The following AUTS2 variants were observed in gnomAD, a reference collection of about 807,000 sequenced individuals.
AUTS2 encodes autism susceptibility gene 2 protein.
A neutral mutation model predicts 112.4 loss-of-function variants in AUTS2; 17 were observed. That is an observed-to-expected ratio of 0.15 (90% CI 0.10 to 0.23). AUTS2 has a LOEUF of 0.23. Ranked by LOEUF, AUTS2 falls within the 10% of genes least tolerant of loss-of-function variation. The pLI is 1.00. For missense variants in AUTS2, 1,510 were observed against 1,701.6 expected, an observed-to-expected ratio of 0.89 and a Z score of 1.98; for synonymous variants, 751 against 702.7, an observed-to-expected ratio of 1.07 and a Z score of -1.09.
intron 5 of AUTS2, among the ~76,000 whole-genome samples, chr7:70,560,281 C>T (rs1390804195): frequency 1.3e-5 from 2 of 152,200 alleles, no homozygotes; most frequent in African/African-American, 4.8e-5. Context: ...ACTGAGCCAA[C>T]ATTTAGACAG....
At chr7:70,532,176 C>G (rs1800123222) in intron 5 of AUTS2, among the ~76,000 whole-genome samples, 1 of 152,180 alleles carries the variant, frequency 6.6e-6, no homozygotes, top group Non-Finnish European at 1.5e-5. Flanking sequence ...TGAATATGCA[C>G]TTTGCAAGCT....
At chr7:70,424,490 ACTTACC>A (rs1795349562) in intron 4 of AUTS2, among the ~76,000 whole-genome samples, 1 of 152,176 alleles carries the variant, frequency 6.6e-6, no homozygotes, top group Non-Finnish European at 1.5e-5. Context: ...TGGAAGCCTT[ACTTACC>A]TTCTCATCTC....
chr7:69,612,804 A>G (rs1419063416), intron 1 of AUTS2, among the ~76,000 whole-genome samples: 2 of 152,124 alleles, frequency 1.3e-5, no homozygotes, highest in Non-Finnish European at 2.9e-5. Flanking sequence ...GCCTAAATGT[A>G]ACCCCTGCAC....
At chr7:70,469,913 T>A (rs1241119366) in intron 5 of AUTS2, among the ~76,000 whole-genome samples, 1 of 152,228 alleles carries the variant, frequency 6.6e-6, no homozygotes. Flanking sequence ...GTACTGGGAT[T>A]ACAGGCATGA....
intron 1 of AUTS2, among the ~76,000 whole-genome samples, chr7:69,823,887 A>T (rs972055057): frequency 1.1e-4 from 16 of 152,162 alleles, no homozygotes; most frequent in Admixed American, 1.0e-3. Context: ...TTTGTTAGAT[A>T]CTTTGAGAGA....
rs6150156 is a variant in AUTS2 at position 69,602,040 on chromosome 7, ATGTGTGTGTGTGTGTGTGTGTGTGTGTG to A, written c.309+2104_309+2131del. Among the ~76,000 whole-genome samples, 119 of 46,248 alleles carry A rather than the reference ATGTGTGTGTGTGTGTGTGTGTGTGTGTG, an allele frequency of 2.6e-3. 1 individual carries two copies. The highest frequency in any genetic ancestry group is 7.5e-3 in the African/African-American group (106 of 14,116). 30.3% of individuals were successfully genotyped at this position (46,248 alleles called of 152,430 possible). A position where few individuals can be genotyped will look rare whatever the true frequency, so the allele number is the denominator to read the frequency against. ...TGTGTGTATATATATATATATATAT[ATGTGTGTGTGTGTGTGTGTGTGTGTGTG>A]TGTGTGTGTGTGTGTGTGTGTGTGT... On this transcript the variant is annotated intron_variant, in intron 1 of 18. Transcript: ENST00000342771.
intron 4 of AUTS2, among the ~76,000 whole-genome samples, chr7:70,342,032 C>T (rs896176828): frequency 6.6e-6 from 1 of 152,182 alleles, no homozygotes; most frequent in Non-Finnish European, 1.5e-5. Context: ...GAATCAAATG[C>T]ATTCGGGGCC....
At chr7:69,818,832 C>T (rs1306350657) in intron 1 of AUTS2, among the ~76,000 whole-genome samples, 1 of 152,208 alleles carries the variant, frequency 6.6e-6, no homozygotes, top group Non-Finnish European at 1.5e-5. Context: ...CTTCTATGCT[C>T]ATAAACACCT....
At chr7:70,382,240 C>G (rs1793401181) in intron 4 of AUTS2, among the ~76,000 whole-genome samples, 1 of 152,180 alleles carries the variant, frequency 6.6e-6, no homozygotes, top group African/African-American at 2.4e-5. Flanking sequence ...AAACTCTAAA[C>G]TCTTCCAAAT....
chr7:69,752,425 C>T (rs1787777035), intron 1 of AUTS2, among the ~76,000 whole-genome samples: 1 of 152,196 alleles, frequency 6.6e-6, no homozygotes, highest in East Asian at 1.9e-4. Context: ...TTATACTAAG[C>T]ACTAATCAAT....
At chr7:70,581,132 C>G (rs1397807423) in intron 5 of AUTS2, among the ~76,000 whole-genome samples, 1 of 152,086 alleles carries the variant, frequency 6.6e-6, no homozygotes, top group East Asian at 1.9e-4. Flanking sequence ...CTTGTAATAC[C>G]AGTACTTTGG....
intron 1 of AUTS2, among the ~76,000 whole-genome samples, chr7:69,746,836 A>G (rs529738559): frequency 3.9e-5 from 6 of 152,024 alleles, no homozygotes; most frequent in Non-Finnish European, 8.8e-5. Flanking sequence ...TTGTGTTGAG[A>G]ATGGAGTTTG....
rs113414950 is a variant in AUTS2 at position 69,865,899 on chromosome 7, C to T, written c.310-33387C>T. Among the ~76,000 whole-genome samples, 60 of 152,324 alleles carry T rather than the reference C, an allele frequency of 3.9e-4. 2 individuals carry two copies. Among genetic ancestry groups the T allele is most frequent in the African/African-American group, 1.3e-3 (55 of 41,582 alleles). ...ATCTAGGATAAAATGTACCCTCTCC[C>T]TAACTCTTCCTTACCTTTTATAATG... On this transcript the variant is annotated intron_variant, in intron 1 of 18. Transcript: ENST00000342771.
At chr7:70,173,855 C>T (rs1808842340) in intron 4 of AUTS2, among the ~76,000 whole-genome samples, 1 of 152,076 alleles carries the variant, frequency 6.6e-6, no homozygotes, top group East Asian at 1.9e-4. Flanking sequence ...TTCTGTTTCA[C>T]CAACCTGCCT....
intron 4 of AUTS2, among the ~76,000 whole-genome samples, chr7:70,285,650 C>G (rs1448781665): frequency 6.6e-6 from 1 of 152,116 alleles, no homozygotes; most frequent in Non-Finnish European, 1.5e-5. Flanking sequence ...TTCCAAATTC[C>G]TTAAGAGCCT....
In AUTS2 at chr7:70,766,396, C is replaced by T. The variant is rs758791506; in HGVS notation, c.1689+62C>T. 2.1e-5 allele frequency: 34 copies of T among 1,583,994 alleles called. No individual in the cohort carries two copies. The highest frequency in any genetic ancestry group is 1.7e-4 in the Middle Eastern group (1 of 5,984). ...GCACGACTCTTTTCTTTATGCAGCA[C>T]GTGGGACCGGGCTGGGCAGCGGGGC... is the stretch of plus-strand genomic sequence containing the variant. On this transcript the variant is annotated intron_variant, in intron 9 of 18. Coordinates refer to ENST00000342771, the MANE Select transcript of AUTS2 (RefSeq NM_015570.4). The surrounding 1 kb of genome is among the most constrained non-coding windows in gnomAD (Gnocchi z 4.8).
intron 1 of AUTS2, among the ~76,000 whole-genome samples, chr7:69,622,158 C>T (rs1459181232): frequency 6.6e-6 from 1 of 151,796 alleles, no homozygotes; most frequent in African/African-American, 2.4e-5. Flanking sequence ...TACCTGTTTC[C>T]TTGGCTAATG....
intron 4 of AUTS2, among the ~76,000 whole-genome samples, chr7:70,431,173 T>C (rs1472494501): frequency 6.6e-6 from 1 of 151,962 alleles, no homozygotes; most frequent in African/African-American, 2.4e-5. Flanking sequence ...ACAGGATAAA[T>C]TTTACTGATT....
In AUTS2 at chr7:70,777,108, A is replaced by C; in HGVS notation, c.1938A>C (p.Pro646=). ...TDPFRPMLRK[P]GKWCAMHVHI... ...GTTGCTCTTTCTTGTTCCAGAAACC[A>C]GGGAAGTGGTGTGCTATGCATGTTC... is the stretch of plus-strand genomic sequence containing the variant. The change falls in exon 14 of 19, where the codon CCA becomes CCC. Residue 646 remains proline (P), a synonymous_variant. Coordinates refer to ENST00000342771, the MANE Select transcript of AUTS2 (RefSeq NM_015570.4). 6.2e-7 allele frequency: 1 copy of C among 1,614,090 alleles called. No individual in the cohort carries two copies.
Sources: gnomAD v4.1 joint callset for allele counts (sites outside exome capture counted in the v4.1 genomes callset) on GRCh38, gnomAD v4.1.1 for gene constraint, Gnocchi (gnomAD v3.1) non-coding constraint, MANE v1.5 for transcripts, NCBI Gene and HGNC (gene_info 2026-07-23, HGNC 2026-07-21) for gene names.